Variants in LUZP2 observed in about 807,000 individuals in gnomAD.
LUZP2 encodes leucine zipper protein 2.
A neutral mutation model predicts 51.6 loss-of-function variants in LUZP2; 52 were observed. That is an observed-to-expected ratio of 1.01 (90% CI 0.81 to 1.27). The LOEUF is 1.27. Among genes scored for constraint, LUZP2 ranks in the 50% most tolerant of loss-of-function variants. The pLI is 0.00. For missense variants in LUZP2, 436 were observed against 395.4 expected (o/e 1.10, Z -0.87); for synonymous variants, 154 against 137.3 (o/e 1.12, Z -0.85).
At chr11:24,673,179 G>T (rs1166952000) in intron 1 of LUZP2, among the ~76,000 whole-genome samples, 1 of 152,070 alleles carries the variant, frequency 6.6e-6, no homozygotes, top group African/African-American at 2.4e-5. Context: ...CACTGCTTTA[G>T]GCAATTGTAA....
intron 5 of LUZP2, among the ~76,000 whole-genome samples, chr11:24,865,422 G>A (rs750312658): frequency 6.6e-5 from 10 of 152,138 alleles, no homozygotes; most frequent in Non-Finnish European, 1.2e-4. Context: ...TTTGCCTATG[G>A]CAAAGATTTA....
At chr11:24,920,449 T>TC (rs965268550) in intron 7 of LUZP2, among the ~76,000 whole-genome samples, 13 of 152,018 alleles carry the variant, frequency 8.6e-5, no homozygotes, top group African/African-American at 3.1e-4. Context: ...GGGTATCTAC[T>TC]CCCCCAAAAA....
At chr11:24,617,109 A>G (rs1854315225) in intron 1 of LUZP2, among the ~76,000 whole-genome samples, 1 of 152,150 alleles carries the variant, frequency 6.6e-6, no homozygotes, top group African/African-American at 2.4e-5. Flanking sequence ...GTTTCATCAT[A>G]TGCTCAGGTG....
At chr11:24,674,694 A>G (rs1856491936) in intron 1 of LUZP2, among the ~76,000 whole-genome samples, 1 of 152,028 alleles carries the variant, frequency 6.6e-6, no homozygotes, top group African/African-American at 2.4e-5. Context: ...GCTACTGCCC[A>G]TGGACACAGA....
At chr11:24,748,254 G>A (rs1859449535) in intron 4 of LUZP2, among the ~76,000 whole-genome samples, 1 of 151,990 alleles carries the variant, frequency 6.6e-6, no homozygotes, top group South Asian at 2.1e-4. Flanking sequence ...ATTTTGCTCA[G>A]CTCTCTAAAT....
intron 5 of LUZP2, among the ~76,000 whole-genome samples, chr11:24,823,265 G>C (rs12271886): frequency 0.039 from 5,991 of 152,078 alleles, 387 homozygotes; most frequent in African/African-American, 0.14. Context: ...TTTGTGGAAT[G>C]AGTTTCAGGA....
chr11:24,605,151 A>T (rs1319804679), intron 1 of LUZP2, among the ~76,000 whole-genome samples: 5 of 151,748 alleles, frequency 3.3e-5, no homozygotes, highest in African/African-American at 1.2e-4. Flanking sequence ...TCTGATTATT[A>T]ATGGTGACTT....
At chr11:24,768,798 T>A (rs1387640027) in intron 5 of LUZP2, among the ~76,000 whole-genome samples, 1 of 152,022 alleles carries the variant, frequency 6.6e-6, no homozygotes, top group African/African-American at 2.4e-5. Flanking sequence ...ACACTAGGGG[T>A]GGGACTTCAG....
At chr11:24,616,266 C>T (rs1565031049) in intron 1 of LUZP2, among the ~76,000 whole-genome samples, 1 of 151,888 alleles carries the variant, frequency 6.6e-6, no homozygotes, top group Admixed American at 6.6e-5. Flanking sequence ...CAATTCTCTG[C>T]GTAGCCATAG....
At position 25,031,049 on chromosome 11, in the gene LUZP2, G is replaced by A. The variant is rs139275380; in HGVS notation, c.766-18989G>A. 7.2e-3 allele frequency among the ~76,000 whole-genome samples: 803 copies of A among 111,244 alleles called. 35 individuals carry two copies. In the East Asian group the frequency reaches 0.1, roughly 15 times the overall value. 73.0% of individuals were successfully genotyped at this position (111,244 alleles called of 152,430 possible). A position where few individuals can be genotyped will look rare whatever the true frequency, so the allele number is the denominator to read the frequency against. On this transcript the variant is annotated intron_variant, in intron 9 of 11. Coordinates refer to ENST00000336930, the MANE Select transcript of LUZP2 (RefSeq NM_001009909.4). Reference sequence around the variant, plus strand: ...TTTTTTTGAGACAGAGTCTCACTCTGTTACCCAGGCTGGAGTGCAGTGGTG... The same window carrying A: ...TTTTTTTGAGACAGAGTCTCACTCTATTACCCAGGCTGGAGTGCAGTGGTG...
intron 5 of LUZP2, among the ~76,000 whole-genome samples, chr11:24,784,959 A>G (rs1849200754): frequency 1.3e-5 from 2 of 152,094 alleles, no homozygotes; most frequent in South Asian, 4.1e-4. Flanking sequence ...TTCACTTGGG[A>G]TTAGCCTTTT....
chr11:24,831,298 C>G (rs2716493), intron 5 of LUZP2, among the ~76,000 whole-genome samples: 4 of 152,110 alleles, frequency 2.6e-5, no homozygotes, highest in Non-Finnish European at 4.4e-5. Context: ...ATATTCAGCT[C>G]TACACTTTGT....
At chr11:24,843,761 C>T (rs748862408) in intron 5 of LUZP2, among the ~76,000 whole-genome samples, 17 of 151,916 alleles carry the variant, frequency 1.1e-4, no homozygotes, top group African/African-American at 2.2e-4. Flanking sequence ...ATTATGGGGG[C>T]GGGTGTTTCC....
chr11:24,642,774 C>T (rs1995840), intron 1 of LUZP2, among the ~76,000 whole-genome samples: 53,152 of 149,818 alleles, frequency 0.35, 9,599 homozygotes, highest in Middle Eastern at 0.44. Context: ...AGTGGTTTTT[C>T]TTTTGCCAAG....
chr11:24,974,360 A>C (rs1855828528), intron 7 of LUZP2, among the ~76,000 whole-genome samples: 1 of 152,092 alleles, frequency 6.6e-6, no homozygotes, highest in African/African-American at 2.4e-5. Context: ...TGAAGACAGC[A>C]TATGGATGGG....
intron 9 of LUZP2, among the ~76,000 whole-genome samples, chr11:24,984,218 G>A (rs536084500): frequency 1.1e-3 from 168 of 151,440 alleles, no homozygotes; most frequent in African/African-American, 3.9e-3. Flanking sequence ...AACCACTAAT[G>A]CAAATACCTA....
chr11:24,972,430 G>A (rs1009799892), intron 7 of LUZP2, among the ~76,000 whole-genome samples: 3 of 152,006 alleles, frequency 2.0e-5, no homozygotes, highest in African/African-American at 7.2e-5. Flanking sequence ...CTTTAAAGAA[G>A]AGGAAACTGA....
chr11:24,846,886 CACAT>C (rs1258574018), intron 5 of LUZP2, among the ~76,000 whole-genome samples: 1 of 151,534 alleles, frequency 6.6e-6, no homozygotes, highest in Non-Finnish European at 1.5e-5. Context: ...CATATATAAA[CACAT>C]ATATATGCAT....
chr11:24,511,031 T>C (rs1392195171), intron 1 of LUZP2, among the ~76,000 whole-genome samples: 2 of 152,168 alleles, frequency 1.3e-5, no homozygotes, highest in Non-Finnish European at 2.9e-5. Context: ...TTGCTAGTCT[T>C]AGTAGAGTAG....
Sources: allele counts gnomAD v4.1 joint callset (sites outside exome capture counted in the v4.1 genomes callset), GRCh38; gene constraint gnomAD v4.1.1; transcripts MANE v1.5; gene names NCBI Gene and HGNC (gene_info 2026-07-23, HGNC 2026-07-21).